REL: variants seen among roughly 807,000 people sequenced by gnomAD.
The protein encoded by REL is proto-oncogene c-Rel.
In REL, 15 loss-of-function variants were observed where a neutral mutation model predicts 45.9. The ratio of observed to expected loss-of-function variants is 0.33; its 90% CI spans 0.22 to 0.50. The LOEUF is 0.50. Ranked by LOEUF, REL falls within the 20% of genes least tolerant of loss-of-function variation. The pLI is 0.98. For missense variants in REL, 601 were observed against 715.2 expected (o/e 0.84, Z 1.82); for synonymous variants, 239 against 242.1 (o/e 0.99, Z 0.12).
In REL at chr2:60,930,225, ATATTGT is replaced by A. The variant is rs1391062063; in HGVS notation, c.*7693_*7698del. On this transcript the variant is annotated 3_prime_UTR_variant, in exon 10 of 10. Coordinates refer to ENST00000394479, the MANE Select transcript of REL (RefSeq NM_001291746.2). Reference sequence around the variant, plus strand: ...CTGTAAATTATATAGTGCGAATCAAATATTGTTAATAAACCAATATCTGTATATCCT... The same window carrying A: ...CTGTAAATTATATAGTGCGAATCAAATAATAAACCAATATCTGTATATCCT... The A allele has an allele frequency of 6.6e-6, 1 of 152,370 alleles. No homozygotes were observed. Among genetic ancestry groups the A allele is most frequent in the African/African-American group, 2.4e-5 (1 of 41,474 alleles). 9.4% of individuals were successfully genotyped at this position (152,370 alleles called of 1,614,324 possible).
intron 4 of REL, among the ~76,000 whole-genome samples, chr2:60,909,640 C>T (rs578098691): frequency 1.3e-5 from 2 of 152,160 alleles, no homozygotes; most frequent in South Asian, 2.1e-4. Flanking sequence ...CAGTGGCTCA[C>T]GCCTGTAATC....
chr2:60,900,754 C>G (rs1468672963), intron 3 of REL: 1 of 395,426 alleles, frequency 2.5e-6, no homozygotes. Flanking sequence ...AACTCCTGAC[C>G]TCAGGTGATC....
intron 4 of REL, among the ~76,000 whole-genome samples, chr2:60,908,921 A>G (rs1176639303): frequency 2.0e-5 from 3 of 152,206 alleles, no homozygotes; most frequent in East Asian, 3.8e-4. Flanking sequence ...TCTTATCTCT[A>G]AAGTCTGGTC....
chr2:60,892,065 T>A (rs1673229215), intron 2 of REL, among the ~76,000 whole-genome samples: 1 of 152,296 alleles, frequency 6.6e-6, no homozygotes, highest in South Asian at 2.1e-4. Flanking sequence ...TGCTTGTGTA[T>A]TAACCTAAGT....
chr2:60,917,680 CTG>C (rs34038794), intron 5 of REL, among the ~76,000 whole-genome samples: 43,069 of 142,012 alleles, frequency 0.3, 6,931 homozygotes, highest in Middle Eastern at 0.39. Flanking sequence ...CCCCAAAATA[CTG>C]TGTGTGTGTG....
At chr2:60,910,278 A>G (rs1673775084) in intron 4 of REL, among the ~76,000 whole-genome samples, 1 of 152,006 alleles carries the variant, frequency 6.6e-6, no homozygotes, top group African/African-American at 2.4e-5. Flanking sequence ...ATCCTGGCTA[A>G]CAGGGTGAAA....
intron 2 of REL, among the ~76,000 whole-genome samples, chr2:60,892,146 A>G (rs540155411): frequency 1.3e-5 from 2 of 152,296 alleles, no homozygotes; most frequent in Non-Finnish European, 2.9e-5. Context: ...CACAGAGATA[A>G]TAAGGAAAAC....
At chr2:60,884,549 G>A (rs2103913391) in intron 1 of REL, among the ~76,000 whole-genome samples, 1 of 152,036 alleles carries the variant, frequency 6.6e-6, no homozygotes, top group Non-Finnish European at 1.5e-5. Flanking sequence ...GTAGGCAGTT[G>A]TTGCTTTTGT....
rs1300308117 is a variant in REL at position 60,926,709 on chromosome 2, C to T, written c.*4174C>T. ...TCCATAATGGCATTACCATTTACCA[C>T]GCCACCCAAGATACTTACTAGGAAC... On this transcript the variant is annotated 3_prime_UTR_variant, in exon 10 of 10. Coordinates refer to ENST00000394479, the MANE Select transcript of REL (RefSeq NM_001291746.2). The T allele has an allele frequency of 2.2e-5, 5 of 227,398 alleles. No individual in the cohort carries two copies. The highest frequency in any genetic ancestry group is 6.7e-5 in the African/African-American group (3 of 45,102). The allele number at this position is 227,398 out of a possible 1,614,324, so 14.1% of individuals were successfully genotyped here. A position where few individuals can be genotyped will look rare whatever the true frequency, so the allele number is the denominator to read the frequency against.
chr2:60,886,293 A>C (rs1673070461), intron 1 of REL, among the ~76,000 whole-genome samples: 1 of 152,272 alleles, frequency 6.6e-6, no homozygotes, highest in East Asian at 1.9e-4. Flanking sequence ...CCCAGTATGA[A>C]CTCTGTTCTA....
Position 60,924,455 on chromosome 2 carries a change from T to C in REL, c.*1920T>C, listed in dbSNP as rs2103994263. ...ATAATAACTTTAATTATAAGACGTA[T>C]ATGATTTTTGCAGTTTTACTTAGTG... On this transcript the variant is annotated 3_prime_UTR_variant, in exon 10 of 10. Transcript: ENST00000394479. The C allele has an allele frequency of 4.7e-6, 1 of 213,510 alleles. No homozygotes were observed. The highest frequency in any genetic ancestry group is 1.5e-3 in the Middle Eastern group (1 of 658). The allele number at this position is 213,510 out of a possible 1,614,324, so 13.2% of individuals were successfully genotyped here. A position where few individuals can be genotyped will look rare whatever the true frequency, so the allele number is the denominator to read the frequency against.
intron 4 of REL, among the ~76,000 whole-genome samples, chr2:60,902,487 A>T (rs184440750): frequency 5.3e-5 from 8 of 150,174 alleles, no homozygotes; most frequent in African/African-American, 2.0e-4. Flanking sequence ...ATTTTTTTCC[A>T]CTCAGGAATA....
At chr2:60,897,863 T>TAAAA (rs11300349) in intron 3 of REL, among the ~76,000 whole-genome samples, 1 of 136,280 alleles carries the variant, frequency 7.3e-6, no homozygotes, top group Non-Finnish European at 1.6e-5. Context: ...TGTATCTCTT[T>TAAAA]AAAAAAAAAA....
chr2:60,920,364 C>A (rs1674105827), intron 8 of REL: 2 of 621,332 alleles, frequency 3.2e-6, no homozygotes, highest in South Asian at 3.9e-5. Context: ...CCACACCCGG[C>A]TAATTTTTGT....
rs1274666195 is a variant in REL, at chr2:60,930,975, T to G, written c.*8440T>G. 6.6e-6 allele frequency: 1 copy of G among 152,348 alleles called. No individual in the cohort carries two copies. Among genetic ancestry groups the G allele is most frequent in the African/African-American group, 2.4e-5 (1 of 41,450 alleles). The allele number at this position is 152,348 out of a possible 1,614,324, so 9.4% of individuals were successfully genotyped here. ...AATCAGCAAGTAAATGAAATATAAA[T>G]TTTTGGTAAAAGTATCAAACATTCA... On this transcript the variant is annotated 3_prime_UTR_variant, in exon 10 of 10. Coordinates refer to ENST00000394479, the MANE Select transcript of REL (RefSeq NM_001291746.2).
chr2:60,903,117 A>G (rs1399854028), intron 4 of REL, among the ~76,000 whole-genome samples: 1 of 152,220 alleles, frequency 6.6e-6, no homozygotes, highest in East Asian at 1.9e-4. Context: ...AAACAAGGAA[A>G]TTATAAGTGA....
intron 4 of REL, among the ~76,000 whole-genome samples, chr2:60,916,543 ATGGGTAAATG>A (rs1673966567): frequency 2.6e-5 from 4 of 152,226 alleles, no homozygotes; most frequent in Admixed American, 2.6e-4. Context: ...TGTTGAATGA[ATGGGTAAATG>A]CCATTCTTTG....
At position 60,922,572 on chromosome 2, in the gene REL, C is replaced by T; in HGVS notation, c.*37C>T. 1 of 1,529,540 alleles carries T rather than the reference C, an allele frequency of 6.5e-7. No individual in the cohort carries two copies. The highest frequency in any genetic ancestry group is 8.8e-7 in the Non-Finnish European group (1 of 1,139,422). The allele number at this position is 1,529,540 out of a possible 1,614,324, so 94.7% of individuals were successfully genotyped here. ...TAAATCCTTTTAAATCTTGATACCACCTATATAGATGCAGCATTTTGTATT... is the reference window on the plus strand; with the variant it reads ...TAAATCCTTTTAAATCTTGATACCATCTATATAGATGCAGCATTTTGTATT... On this transcript the variant is annotated 3_prime_UTR_variant, in exon 10 of 10. Coordinates refer to ENST00000394479, the MANE Select transcript of REL (RefSeq NM_001291746.2).
At chr2:60,886,150 C>T (rs1421417605) in intron 1 of REL, among the ~76,000 whole-genome samples, 3 of 152,136 alleles carry the variant, frequency 2.0e-5, no homozygotes, top group African/African-American at 4.8e-5. Flanking sequence ...GTTAGAATTT[C>T]TTGGAAGGCT....
Sources: allele counts gnomAD v4.1 joint callset (sites outside exome capture counted in the v4.1 genomes callset), GRCh38; gene constraint gnomAD v4.1.1; transcripts MANE v1.5; gene names NCBI Gene and HGNC (gene_info 2026-07-23, HGNC 2026-07-21).